UCK2: variants seen among roughly 807,000 people sequenced by gnomAD.
UCK2 encodes the protein cytidine monophosphokinase 2.
UCK2 carries 6 observed loss-of-function variants against 30.8 expected under a neutral mutation model. The observed-to-expected ratio is 0.19, with a 90% CI of 0.11 to 0.38. The LOEUF (loss-of-function observed/expected upper bound fraction) is 0.38. UCK2 is among the 10% of genes least tolerant of loss of function. UCK2 has a pLI of 1.00. For missense variants in UCK2, 210 were observed against 339.8 expected, an observed-to-expected ratio of 0.62 and a Z score of 3.00; for synonymous variants, 125 against 133.6, an observed-to-expected ratio of 0.94 and a Z score of 0.45.
At chr1:165,848,094 A>G (rs922265220) in intron 1 of UCK2, among the ~76,000 whole-genome samples, 1 of 152,244 alleles carries the variant, frequency 6.6e-6, no homozygotes, top group African/African-American at 2.4e-5. Context: ...ATTGGCATTT[A>G]GTGTTAACAT....
At chr1:165,829,449 C>T (rs1041698519) in intron 1 of UCK2, among the ~76,000 whole-genome samples, 10 of 152,184 alleles carry the variant, frequency 6.6e-5, no homozygotes, top group African/African-American at 2.4e-4. Context: ...TTTCCCAGCC[C>T]TCCTAGCACA....
At chr1:165,905,483 TA>T (rs796794570) in intron 5 of UCK2, among the ~76,000 whole-genome samples, 30 of 147,914 alleles carry the variant, frequency 2.0e-4, no homozygotes, top group African/African-American at 4.2e-4. Context: ...GACGCTGTCT[TA>T]AAAAAAAAAG....
intron 1 of UCK2, among the ~76,000 whole-genome samples, chr1:165,867,275 C>T (rs917809500): frequency 6.6e-6 from 1 of 152,084 alleles, no homozygotes; most frequent in Non-Finnish European, 1.5e-5. Flanking sequence ...ATAGTGATGC[C>T]GGAAGGCTAG....
chr1:165,856,995 A>C (rs1337030975), intron 1 of UCK2, among the ~76,000 whole-genome samples: 1 of 150,824 alleles, frequency 6.6e-6, no homozygotes, highest in African/African-American at 2.4e-5. Context: ...TTCTCTGCAG[A>C]GAGAATGTTT....
chr1:165,837,191 C>A (rs1220775569), intron 1 of UCK2, among the ~76,000 whole-genome samples: 1 of 152,222 alleles, frequency 6.6e-6, no homozygotes, highest in Non-Finnish European at 1.5e-5. Flanking sequence ...TTGGAGGACA[C>A]TTTCAAACCA....
chr1:165,871,119 G>A (rs1655186156), intron 1 of UCK2, among the ~76,000 whole-genome samples: 1 of 152,024 alleles, frequency 6.6e-6, no homozygotes. Context: ...CCTGGCCCCT[G>A]TTAGTGTTTA....
intron 1 of UCK2, among the ~76,000 whole-genome samples, chr1:165,844,925 TCTTTATAATAAATTGTTCC>T (rs989617782): frequency 1.3e-5 from 2 of 152,198 alleles, no homozygotes; most frequent in African/African-American, 4.8e-5. Context: ...TCCTTTATAA[TCTTTATAATAAATTGTTCC>T]CTTTATAATA....
intron 3 of UCK2, among the ~76,000 whole-genome samples, chr1:165,893,492 CA>C (rs925943735): frequency 3.3e-5 from 5 of 152,176 alleles, no homozygotes; most frequent in Admixed American, 2.0e-4. Flanking sequence ...GATTCCATCC[CA>C]CCCATGGGCG....
chr1:165,842,828 T>TA (rs1321882884), intron 1 of UCK2, among the ~76,000 whole-genome samples: 17 of 152,332 alleles, frequency 1.1e-4, no homozygotes, highest in African/African-American at 4.1e-4. Flanking sequence ...ACAGGAGGCT[T>TA]AGTCCCTCCA....
At chr1:165,842,098 A>G (rs1299255897) in intron 1 of UCK2, among the ~76,000 whole-genome samples, 1 of 152,108 alleles carries the variant, frequency 6.6e-6, no homozygotes, top group East Asian at 1.9e-4. Context: ...TTTCTGTAAC[A>G]CTTGACAGTG....
At position 165,832,211 on chromosome 1, in the gene UCK2, G is replaced by A. The variant is rs1395156087; in HGVS notation, c.99+4279G>A. On this transcript the variant is annotated intron_variant, in intron 1 of 6. Coordinates refer to ENST00000367879, the MANE Select transcript of UCK2 (RefSeq NM_012474.5). The stretch of plus-strand genomic sequence containing the variant: ...GTTAATACTTTCTTGAGGGAGCTTT[G>A]TTACCCATTTCCTTAATGAGAATTA... Among the ~76,000 whole-genome samples the A allele has an allele frequency of 5.3e-5, 8 of 152,080 alleles. No homozygotes were observed. In the East Asian group the frequency reaches 1.5e-3, roughly 29 times the overall value.
At chr1:165,834,177 C>T (rs1654125395) in intron 1 of UCK2, among the ~76,000 whole-genome samples, 1 of 152,072 alleles carries the variant, frequency 6.6e-6, no homozygotes. Flanking sequence ...TAAGTTTAGT[C>T]TTCTGAATTT....
chr1:165,883,013 A>G (rs762906160), intron 1 of UCK2, among the ~76,000 whole-genome samples: 1 of 151,962 alleles, frequency 6.6e-6, no homozygotes, highest in Admixed American at 6.5e-5. Flanking sequence ...TTTAGTAGAG[A>G]CCGGGTTTCA....
At chr1:165,829,632 A>G (rs1042521329) in intron 1 of UCK2, among the ~76,000 whole-genome samples, 1 of 152,050 alleles carries the variant, frequency 6.6e-6, no homozygotes, top group African/African-American at 2.4e-5. Context: ...AAGGTGAATA[A>G]CTCTGTTATT....
intron 1 of UCK2, among the ~76,000 whole-genome samples, chr1:165,847,709 C>T (rs1006713658): frequency 6.6e-6 from 1 of 152,104 alleles, no homozygotes; most frequent in African/African-American, 2.4e-5. Context: ...GAACTCCTGA[C>T]CTCAAGCGAT....
At chr1:165,855,531 T>G (rs1654723363) in intron 1 of UCK2, among the ~76,000 whole-genome samples, 1 of 151,302 alleles carries the variant, frequency 6.6e-6, no homozygotes, top group Non-Finnish European at 1.5e-5. Context: ...TTTTTTTTCT[T>G]GCAAGCTCCT....
At chr1:165,852,397 G>A (rs1180171994) in intron 1 of UCK2, among the ~76,000 whole-genome samples, 1 of 152,182 alleles carries the variant, frequency 6.6e-6, no homozygotes, top group African/African-American at 2.4e-5. Flanking sequence ...CCATCAAAAA[G>A]TGGAGAAAGG....
At chr1:165,848,657 CA>C (rs1284742106) in intron 1 of UCK2, among the ~76,000 whole-genome samples, 33 of 151,088 alleles carry the variant, frequency 2.2e-4, no homozygotes, top group South Asian at 4.2e-4. Context: ...CACACACACA[CA>C]CCCACACACA....
At chr1:165,832,306 C>T (rs1654070031) in intron 1 of UCK2, among the ~76,000 whole-genome samples, 1 of 152,186 alleles carries the variant, frequency 6.6e-6, no homozygotes, top group Admixed American at 6.5e-5. Flanking sequence ...TTGACTGCTT[C>T]TTCCCGTAGA....
Sources: gnomAD v4.1 joint callset for allele counts (sites outside exome capture counted in the v4.1 genomes callset) on GRCh38, gnomAD v4.1.1 for gene constraint, MANE v1.5 for transcripts, NCBI Gene and HGNC (gene_info 2026-07-23, HGNC 2026-07-21) for gene names.